Variants in MTCL2 observed in about 807,000 individuals in gnomAD.
MTCL2 encodes microtubule crosslinking factor 2, also known as microtubule cross-linking factor 2.
chr20:36,796,702 C>A, the MTCL2 span, among the ~76,000 whole-genome samples: 1 of 152,132 alleles, frequency 6.6e-6, no homozygotes, highest in Non-Finnish European at 1.5e-5. Context: ...TCCAGAGAAA[C>A]CATATCCCGA....
chr20:36,816,558 C>T, the MTCL2 span, among the ~76,000 whole-genome samples: 338 of 152,236 alleles, frequency 2.2e-3, 2 homozygotes, highest in African/African-American at 7.6e-3. Flanking sequence ...GCTGCCACTA[C>T]AGTTTCATCA....
chr20:36,777,787 G>A, the MTCL2 span: 23 of 610,070 alleles, frequency 3.8e-5, no homozygotes, highest in East Asian at 1.4e-4. Context: ...CAGTATTGGC[G>A]GGGGCTGGGG....
At chr20:36,834,308 G>T in the MTCL2 span, among the ~76,000 whole-genome samples, 2 of 152,132 alleles carry the variant, frequency 1.3e-5, no homozygotes, top group African/African-American at 4.8e-5. Flanking sequence ...GCTCAAAGAA[G>T]GGAGGTAACC....
At chr20:36,787,202 A>G in the MTCL2 span, among the ~76,000 whole-genome samples, 1 of 151,900 alleles carries the variant, frequency 6.6e-6, no homozygotes, top group Non-Finnish European at 1.5e-5. Flanking sequence ...GATAGAAATA[A>G]CTGATTTATA....
the MTCL2 span, chr20:36,816,438 G>A: frequency 5.2e-6 from 4 of 770,696 alleles, no homozygotes; most frequent in Non-Finnish European, 8.2e-6. Flanking sequence ...CCCTCAAGGA[G>A]CTAAGGGTCC....
the MTCL2 span, among the ~76,000 whole-genome samples, chr20:36,810,903 A>G: frequency 1.3e-5 from 2 of 151,958 alleles, no homozygotes; most frequent in Non-Finnish European, 2.9e-5. Context: ...TATATTTTTG[A>G]TAGAGACAGG....
the MTCL2 span, among the ~76,000 whole-genome samples, chr20:36,795,012 C>T: frequency 2.6e-5 from 4 of 151,822 alleles, no homozygotes; most frequent in African/African-American, 7.3e-5. Flanking sequence ...GATCTCGGCT[C>T]ACTACAACTT....
chr20:36,845,543 G>A, the MTCL2 span, among the ~76,000 whole-genome samples: 1 of 152,258 alleles, frequency 6.6e-6, no homozygotes, highest in South Asian at 2.1e-4. Flanking sequence ...CCACGTGAGA[G>A]GGTGAGCTGA....
At chr20:36,783,706 G>C in the MTCL2 span, 1 of 951,480 alleles carries the variant, frequency 1.1e-6, no homozygotes, top group South Asian at 4.9e-5. Flanking sequence ...CTGTGGGTCA[G>C]GCAGTTTTCT....
the MTCL2 span, among the ~76,000 whole-genome samples, chr20:36,807,945 G>A: frequency 1.5e-5 from 2 of 134,796 alleles, no homozygotes; most frequent in African/African-American, 2.7e-5. Context: ...GCACAATCTA[G>A]GCTCACTGCA....
the MTCL2 span, chr20:36,793,684 G>T: frequency 6.5e-7 from 1 of 1,549,442 alleles, no homozygotes. The surrounding 1 kb of genome is among the most constrained non-coding windows in gnomAD (Gnocchi z 6.8). Flanking sequence ...CGTTCTGCTT[G>T]CCCTGGTGCA....
At chr20:36,784,603 G>A in the MTCL2 span, 1 of 985,524 alleles carries the variant, frequency 1.0e-6, no homozygotes, top group Non-Finnish European at 1.2e-6. Context: ...ATGTGTGTGT[G>A]GGGAGCATGT....
the MTCL2 span, chr20:36,862,718 G>A: frequency 2.7e-6 from 4 of 1,500,010 alleles, no homozygotes; most frequent in Admixed American, 8.4e-5. Context: ...CGCTGGGCCC[G>A]CAGTCCAGCA....
chr20:36,839,240 G>A, the MTCL2 span: 22 of 1,604,012 alleles, frequency 1.4e-5, no homozygotes, highest in South Asian at 1.6e-4. The surrounding 1 kb of genome is among the most constrained non-coding windows in gnomAD (Gnocchi z 5.1). Flanking sequence ...TCCAGACCAC[G>A]GATAAGCTCG....
At chr20:36,793,958 A>C in the MTCL2 span, 2 of 1,551,546 alleles carry the variant, frequency 1.3e-6, no homozygotes, top group Non-Finnish European at 8.7e-7. The surrounding 1 kb of genome is among the most constrained non-coding windows in gnomAD (Gnocchi z 6.8). Context: ...CACACTGGCC[A>C]GGCCCACCGT....
At chr20:36,852,411 C>T in the MTCL2 span, among the ~76,000 whole-genome samples, 15 of 152,340 alleles carry the variant, frequency 9.8e-5, no homozygotes, top group African/African-American at 3.6e-4. Context: ...GCCAGGGCAG[C>T]CATCTGCCGT....
the MTCL2 span, chr20:36,802,934 C>A: frequency 1.9e-6 from 3 of 1,575,756 alleles, no homozygotes; most frequent in Non-Finnish European, 2.6e-6. Flanking sequence ...CCACCAGCTG[C>A]AGCTTTTCCT....
chr20:36,811,611 C>T, the MTCL2 span, among the ~76,000 whole-genome samples: 1 of 149,060 alleles, frequency 6.7e-6, no homozygotes, highest in East Asian at 2.0e-4. Flanking sequence ...GACTGGGCAA[C>T]AGAGCGAGAC....
At chr20:36,781,722 A>C in the MTCL2 span, 1 of 150,968 alleles carries the variant, frequency 6.6e-6, no homozygotes, top group Non-Finnish European at 1.5e-5. Flanking sequence ...TAAATAAATA[A>C]AATAAAAAAT....
Sources: gnomAD v4.1 joint callset for allele counts (sites outside exome capture counted in the v4.1 genomes callset) on GRCh38, gnomAD v4.1.1 for gene constraint, Gnocchi (gnomAD v3.1) non-coding constraint, MANE v1.5 for transcripts, NCBI Gene and HGNC (gene_info 2026-07-23, HGNC 2026-07-21) for gene names.